RETREG1: variants seen among roughly 807,000 people sequenced by gnomAD.
The protein encoded by RETREG1 is family with sequence similarity 134 member B.
In RETREG1, 44 loss-of-function variants were observed where a neutral mutation model predicts 54.8. The ratio of observed to expected loss-of-function variants is 0.80; its 90% CI spans 0.63 to 1.03. RETREG1 has a LOEUF of 1.03. RETREG1 is among the 50% of genes least tolerant of loss of function. The pLI is 0.00. For missense variants in RETREG1, 554 were observed against 605.1 expected (o/e 0.92, Z 0.89); for synonymous variants, 217 against 238.5 (o/e 0.91, Z 0.83).
intron 1 of RETREG1, among the ~76,000 whole-genome samples, chr5:16,608,396 C>A (rs1388884823): frequency 6.6e-6 from 1 of 152,208 alleles, no homozygotes; most frequent in East Asian, 1.9e-4. Context: ...TCTCCCATTT[C>A]TTCCTGAGTT....
intron 3 of RETREG1, among the ~76,000 whole-genome samples, chr5:16,500,241 A>C (rs999458599): frequency 6.6e-6 from 1 of 152,224 alleles, no homozygotes; most frequent in African/African-American, 2.4e-5. Flanking sequence ...CTTCTGCCTC[A>C]GGATGCTTTG....
At chr5:16,553,064 A>G (rs1345139818) in intron 3 of RETREG1, among the ~76,000 whole-genome samples, 1 of 152,196 alleles carries the variant, frequency 6.6e-6, no homozygotes, top group African/African-American at 2.4e-5. Flanking sequence ...CCTTTCAAAT[A>G]TACAATATTC....
At chr5:16,497,540 C>T (rs979985077) in intron 3 of RETREG1, among the ~76,000 whole-genome samples, 7 of 152,184 alleles carry the variant, frequency 4.6e-5, no homozygotes, top group African/African-American at 1.4e-4. Flanking sequence ...TGGGTAAAGT[C>T]GCCAAGGTCA....
intron 3 of RETREG1, among the ~76,000 whole-genome samples, chr5:16,530,734 G>A (rs1459036189): frequency 6.6e-6 from 1 of 152,128 alleles, no homozygotes. Context: ...TTAGCTGGGT[G>A]TGGAGGCGTG....
At chr5:16,539,605 C>G (rs1277236277) in intron 3 of RETREG1, among the ~76,000 whole-genome samples, 2 of 152,194 alleles carry the variant, frequency 1.3e-5, no homozygotes, top group Non-Finnish European at 2.9e-5. Context: ...CTGTCCCATG[C>G]TTGCTCCTGC....
Position 16,568,395 on chromosome 5 carries a change from T to C in RETREG1, c.428-2602A>G, listed in dbSNP as rs377408967. 1.1e-3 allele frequency among the ~76,000 whole-genome samples: 169 copies of C among 151,960 alleles called. 1 individual carries two copies. Among genetic ancestry groups the C allele is most frequent in the African/African-American group, 3.8e-3 (158 of 41,470 alleles). ...CAAGTGATTCTCCTGCCTCAGCCTC[T>C]TCAGTAGCTGGGATTACAGGTGCCC... On this transcript the variant is annotated intron_variant, in intron 2 of 8. Transcript: ENST00000306320.
rs191378164 is a variant in RETREG1, at chr5:16,585,469, A to G, written c.321-13367T>C. Among the ~76,000 whole-genome samples, 842 of 152,258 alleles carry G rather than the reference A, an allele frequency of 5.5e-3. 27 individuals are homozygous for G. The highest frequency in any genetic ancestry group is 0.047 in the Admixed American group (720 of 15,294). Reference sequence around the variant, plus strand: ...GTCAGGGGCACCCTAGGGCAGTGCAATGTGCTCCTTAGCTCCACCTAGTGT... The same window carrying G: ...GTCAGGGGCACCCTAGGGCAGTGCAGTGTGCTCCTTAGCTCCACCTAGTGT... On this transcript the variant is annotated intron_variant, in intron 1 of 8. Coordinates refer to ENST00000306320, the MANE Select transcript of RETREG1 (RefSeq NM_001034850.3). This position sits in a 1 kb window ranked among gnomAD's most constrained non-coding sequence, Gnocchi z 4.5.
At chr5:16,529,344 G>A (rs771487337) in intron 3 of RETREG1, among the ~76,000 whole-genome samples, 1 of 152,176 alleles carries the variant, frequency 6.6e-6, no homozygotes, top group Non-Finnish European at 1.5e-5. Context: ...TAGACCTGGC[G>A]AGTGTCTGTG....
intron 1 of RETREG1, among the ~76,000 whole-genome samples, chr5:16,586,609 G>A (rs6887031): frequency 0.35 from 53,066 of 152,056 alleles, 10,464 homozygotes; most frequent in Non-Finnish European, 0.45. Context: ...ACTGGACTGC[G>A]AAGGTGTCTC....
intron 1 of RETREG1, among the ~76,000 whole-genome samples, chr5:16,613,762 C>G (rs1313618163): frequency 6.6e-6 from 1 of 152,064 alleles, no homozygotes; most frequent in Non-Finnish European, 1.5e-5. Context: ...ATCTTTTTTT[C>G]TCATAGAAAA....
At chr5:16,589,911 T>C (rs1019861400) in intron 1 of RETREG1, among the ~76,000 whole-genome samples, 1 of 152,206 alleles carries the variant, frequency 6.6e-6, no homozygotes, top group African/African-American at 2.4e-5. Context: ...AGAGACTGTA[T>C]TGTGTCATCC....
At chr5:16,591,643 A>C (rs1742777829) in intron 1 of RETREG1, among the ~76,000 whole-genome samples, 1 of 152,230 alleles carries the variant, frequency 6.6e-6, no homozygotes. Flanking sequence ...TTGTGTGCAC[A>C]CATGAGCAGT....
chr5:16,484,753 A>G (rs976194844), intron 3 of RETREG1, among the ~76,000 whole-genome samples: 1 of 151,920 alleles, frequency 6.6e-6, no homozygotes, highest in African/African-American at 2.4e-5. Flanking sequence ...AAAAGGGGGG[A>G]AGTATACCAT....
chr5:16,508,446 G>T, intron 3 of RETREG1: 2 of 887,520 alleles, frequency 2.3e-6, no homozygotes, highest in Non-Finnish European at 3.6e-6. Context: ...ATGTTTCCTG[G>T]AATTAAAGGA....
chr5:16,614,340 C>T (rs1204134735), intron 1 of RETREG1, among the ~76,000 whole-genome samples: 1 of 152,140 alleles, frequency 6.6e-6, no homozygotes, highest in East Asian at 1.9e-4. Context: ...AGAACACTGG[C>T]CTACTTGAAA....
chr5:16,502,757 G>C (rs1395194396), intron 3 of RETREG1, among the ~76,000 whole-genome samples: 2 of 152,198 alleles, frequency 1.3e-5, no homozygotes, highest in African/African-American at 4.8e-5. Flanking sequence ...ATTCTTTAAA[G>C]AGACGTTGTT....
chr5:16,487,473 C>T (rs1415488737), intron 3 of RETREG1, among the ~76,000 whole-genome samples: 1 of 152,212 alleles, frequency 6.6e-6, no homozygotes, highest in Non-Finnish European at 1.5e-5. Flanking sequence ...TTTCCATCCT[C>T]GTAGCCAGTC....
chr5:16,486,553 C>G (rs989452602), intron 3 of RETREG1, among the ~76,000 whole-genome samples: 3 of 152,188 alleles, frequency 2.0e-5, no homozygotes, highest in Non-Finnish European at 4.4e-5. Flanking sequence ...AGGTGAGGAA[C>G]GTGAAATCCA....
intron 3 of RETREG1, among the ~76,000 whole-genome samples, chr5:16,532,799 G>T (rs1740951824): frequency 6.6e-6 from 1 of 152,130 alleles, no homozygotes; most frequent in African/African-American, 2.4e-5. Flanking sequence ...ATACTATGGT[G>T]AAATGTAAAA....
Sources: gnomAD v4.1 joint callset for allele counts (sites outside exome capture counted in the v4.1 genomes callset) on GRCh38, gnomAD v4.1.1 for gene constraint, Gnocchi (gnomAD v3.1) non-coding constraint, MANE v1.5 for transcripts, NCBI Gene and HGNC (gene_info 2026-07-23, HGNC 2026-07-21) for gene names.